CEP128: variants seen among roughly 807,000 people sequenced by gnomAD.
The protein encoded by CEP128 is centrosomal protein 128.
A neutral mutation model predicts 156.7 loss-of-function variants in CEP128; 132 were observed. The ratio of observed to expected loss-of-function variants is 0.84; its 90% CI spans 0.73 to 0.97. The LOEUF is 0.97. Ranked by LOEUF, CEP128 falls within the 50% of genes least tolerant of loss-of-function variation. CEP128 has a pLI of 0.00. For missense variants in CEP128, 1,252 were observed against 1,281.9 expected, an observed-to-expected ratio of 0.98 and a Z score of 0.36; for synonymous variants, 469 against 448.9, an observed-to-expected ratio of 1.04 and a Z score of -0.57.
chr14:80,550,342 C>A (rs1284681204), intron 21 of CEP128, among the ~76,000 whole-genome samples: 1 of 152,140 alleles, frequency 6.6e-6, no homozygotes, highest in African/African-American at 2.4e-5. Context: ...GTATCTCTCT[C>A]ACACAGATTT....
chr14:80,945,114 T>C (rs1323146187), upstream of CEP128, among the ~76,000 whole-genome samples: 1 of 152,180 alleles, frequency 6.6e-6, no homozygotes, highest in Non-Finnish European at 1.5e-5. Flanking sequence ...TTCTGAAGGC[T>C]GCAAGTCCGA....
chr14:80,766,989 A>G (rs1372290633), intron 16 of CEP128, among the ~76,000 whole-genome samples: 1 of 152,152 alleles, frequency 6.6e-6, no homozygotes, highest in East Asian at 1.9e-4. Flanking sequence ...ACTCAAGATA[A>G]AACTGTTATG....
chr14:80,799,682 G>A (rs1288820955), intron 13 of CEP128, among the ~76,000 whole-genome samples: 3 of 152,152 alleles, frequency 2.0e-5, no homozygotes, highest in African/African-American at 7.2e-5. Context: ...CTCTGGGAAT[G>A]TCTGTCTTGT....
intron 18 of CEP128, among the ~76,000 whole-genome samples, chr14:80,756,486 A>T (rs1899664933): frequency 6.6e-6 from 1 of 152,174 alleles, no homozygotes; most frequent in Non-Finnish European, 1.5e-5. Flanking sequence ...CTGGAGAACT[A>T]CATATTTTTG....
chr14:80,611,682 C>T (rs1188343255), intron 19 of CEP128, among the ~76,000 whole-genome samples: 2 of 152,150 alleles, frequency 1.3e-5, no homozygotes, highest in Admixed American at 6.5e-5. Context: ...AAAATTATAG[C>T]TTCACTCTAA....
At chr14:80,587,842 A>G (rs1891883275) in intron 19 of CEP128, among the ~76,000 whole-genome samples, 1 of 152,162 alleles carries the variant, frequency 6.6e-6, no homozygotes, top group Non-Finnish European at 1.5e-5. Context: ...CAGGCATAAA[A>G]TCATTTTTCT....
chr14:80,923,360 C>T (rs1884980071), intron 2 of CEP128, among the ~76,000 whole-genome samples: 1 of 152,168 alleles, frequency 6.6e-6, no homozygotes, highest in Non-Finnish European at 1.5e-5. Context: ...GGCAATGAGC[C>T]TTTACAAACT....
chr14:80,907,387 C>T (rs994851662), intron 4 of CEP128, among the ~76,000 whole-genome samples: 4 of 152,074 alleles, frequency 2.6e-5, no homozygotes, highest in African/African-American at 7.2e-5. Context: ...GCAGCATCGG[C>T]GGTTGCTCGC....
chr14:80,634,854 C>A (rs942691566), intron 19 of CEP128, among the ~76,000 whole-genome samples: 2 of 152,182 alleles, frequency 1.3e-5, no homozygotes, highest in Non-Finnish European at 2.9e-5. Context: ...ATATTCCCAA[C>A]ACAGATGTCA....
chr14:80,699,678 A>C (rs1897007100), intron 19 of CEP128, among the ~76,000 whole-genome samples: 1 of 151,690 alleles, frequency 6.6e-6, no homozygotes, highest in African/African-American at 2.4e-5. Context: ...AAACCTGAAC[A>C]AACGTTTATT....
intron 22 of CEP128, among the ~76,000 whole-genome samples, chr14:80,529,726 T>C (rs1889140259): frequency 6.6e-6 from 1 of 152,208 alleles, no homozygotes. Context: ...AATTGCACTG[T>C]TTTGGATACT....
intron 18 of CEP128, among the ~76,000 whole-genome samples, chr14:80,755,457 A>G (rs1289676835): frequency 6.6e-6 from 1 of 152,140 alleles, no homozygotes; most frequent in African/African-American, 2.4e-5. Context: ...GTATAGTCCA[A>G]CTCTCAATTG....
intron 19 of CEP128, among the ~76,000 whole-genome samples, chr14:80,658,368 C>T (rs555478867): frequency 6.6e-6 from 1 of 152,158 alleles, no homozygotes; most frequent in African/African-American, 2.4e-5. Context: ...AGCAAATTTC[C>T]CTTGGCTACA....
chr14:80,880,865 AAATAATAATAATAAT>A (rs375304920), intron 8 of CEP128, among the ~76,000 whole-genome samples: 25 of 124,974 alleles, frequency 2.0e-4, no homozygotes, highest in South Asian at 5.5e-4. Flanking sequence ...TCCATCTCAA[AAATAATAATAATAAT>A]AATAATAATA....
At chr14:80,570,928 A>C (rs1218129006) in intron 20 of CEP128, among the ~76,000 whole-genome samples, 3 of 152,074 alleles carry the variant, frequency 2.0e-5, no homozygotes, top group Non-Finnish European at 4.4e-5. Flanking sequence ...TGCCCAAATA[A>C]AAAAATTATT....
intron 16 of CEP128, among the ~76,000 whole-genome samples, chr14:80,775,440 T>G (rs1344012379): frequency 2.6e-5 from 4 of 152,154 alleles, no homozygotes; most frequent in African/African-American, 9.7e-5. Context: ...ATATTAAAGA[T>G]TAGAAAGCAT....
At chr14:80,742,074 C>T (rs1898860930) in intron 19 of CEP128, among the ~76,000 whole-genome samples, 1 of 152,178 alleles carries the variant, frequency 6.6e-6, no homozygotes, top group African/African-American at 2.4e-5. Context: ...AAGTCCTCAA[C>T]TTTAACAGCA....
At chr14:80,769,591 C>T (rs890417440) in intron 16 of CEP128, among the ~76,000 whole-genome samples, 1 of 152,094 alleles carries the variant, frequency 6.6e-6, no homozygotes, top group Admixed American at 6.5e-5. Context: ...TGAACTCATC[C>T]TTTTTTACGG....
intron 18 of CEP128, among the ~76,000 whole-genome samples, chr14:80,754,715 G>A (rs1009869997): frequency 6.6e-6 from 1 of 151,928 alleles, no homozygotes; most frequent in Non-Finnish European, 1.5e-5. Flanking sequence ...CCCCTACCTC[G>A]GCCTCCAAAA....
Sources: allele counts gnomAD v4.1 joint callset (sites outside exome capture counted in the v4.1 genomes callset), GRCh38; gene constraint gnomAD v4.1.1; transcripts MANE v1.5; gene names NCBI Gene and HGNC (gene_info 2026-07-23, HGNC 2026-07-21).